PLCG1: variants seen among roughly 807,000 people sequenced by gnomAD.
PLCG1 encodes the protein phospholipase C gamma 1.
In PLCG1, 71 loss-of-function variants were observed where a neutral mutation model predicts 177.8. The ratio of observed to expected loss-of-function variants is 0.40; its 90% CI spans 0.33 to 0.49. The LOEUF is 0.49. PLCG1 is among the 20% of genes least tolerant of loss of function. The pLI, the probability that PLCG1 is intolerant of heterozygous loss-of-function variation, is 0.72. For missense variants in PLCG1, 1,281 were observed against 1,709.0 expected (o/e 0.75, Z 4.42); for synonymous variants, 658 against 647.9 (o/e 1.02, Z -0.24).
intron 1 of PLCG1, among the ~76,000 whole-genome samples, chr20:41,143,505 T>G (rs1312891018): frequency 6.6e-6 from 1 of 152,144 alleles, no homozygotes; most frequent in African/African-American, 2.4e-5. Flanking sequence ...TGGTGCCCCT[T>G]GTAGAGTGCC....
At position 41,150,737 on chromosome 20, in the gene PLCG1, G is replaced by T. The variant is rs1600641973; in HGVS notation, c.218-8869G>T. 1.3e-5 allele frequency among the ~76,000 whole-genome samples: 2 copies of T among 152,156 alleles called. No individual in the cohort carries two copies. The highest frequency in any genetic ancestry group is 1.3e-4 in the Admixed American group (2 of 15,284). On this transcript the variant is annotated intron_variant, in intron 1 of 31. Coordinates refer to ENST00000685551, the MANE Select transcript of PLCG1 (RefSeq NM_002660.3). This position sits in a 1 kb window ranked among gnomAD's most constrained non-coding sequence, Gnocchi z 4.0. ...TAGTGGACTCCTGCACCTCTGTCTTGGTTTCCATGAACCCCTCTGCCCAAT... is the reference window on the plus strand; with the variant it reads ...TAGTGGACTCCTGCACCTCTGTCTTTGTTTCCATGAACCCCTCTGCCCAAT...
chr20:41,141,521 T>TAGGCCCACAGCACGGGAGAGGGCA (rs950052300), intron 1 of PLCG1, among the ~76,000 whole-genome samples: 1 of 152,346 alleles, frequency 6.6e-6, no homozygotes, highest in South Asian at 2.1e-4. Flanking sequence ...CTCCGAGGGC[T>TAGGCCCACAGCACGGGAGAGGGCA]AGGCCCACAG....
chr20:41,173,613 C>A lies in PLCG1; in HGVS notation c.3395-39C>A. 6.2e-7 allele frequency: 1 copy of A among 1,614,114 alleles called. No individual in the cohort carries two copies. Among genetic ancestry groups the A allele is most frequent in the Non-Finnish European group, 8.5e-7 (1 of 1,180,006 alleles). The stretch of plus-strand genomic sequence containing the variant: ...CTCCCCACCAGTCATCCCATCCTCT[C>A]CCACGGTGACCTGAAGCCTTTTGTC... On this transcript the variant is annotated intron_variant, in intron 28 of 31. Transcript: ENST00000685551. The surrounding 1 kb of genome is among the most constrained non-coding windows in gnomAD (Gnocchi z 6.2).
Position 41,169,490 on chromosome 20 carries a change from C to T in PLCG1, c.2614C>T (p.Leu872=). Residue 872 remains leucine (L), a synonymous_variant, in exon 23 of 32, where the codon CTG becomes TTG. Coordinates refer to ENST00000685551, the MANE Select transcript of PLCG1 (RefSeq NM_002660.3). ...LDENSPLGDL[L]RGVLDVPACQ... ...CGAGAACAGCCCCCTAGGGGACTTG[C>T]TGCGGGGGGTCTTGGATGTGCCGGC... is the stretch of plus-strand genomic sequence containing the variant. The T allele has an allele frequency of 6.2e-7, 1 of 1,613,738 alleles. No individual in the cohort carries two copies. The highest frequency in any genetic ancestry group is 1.7e-4 in the Middle Eastern group (1 of 6,056).
chr20:41,174,159 G>A lies in PLCG1; in HGVS notation c.3681G>A (p.Thr1227=), dbSNP rs140172118. The change falls in exon 31 of 32, where the codon ACG becomes ACA. Residue 1227 remains threonine (T), a synonymous_variant. Coordinates refer to ENST00000685551, the MANE Select transcript of PLCG1 (RefSeq NM_002660.3). This position sits in a 1 kb window ranked among gnomAD's most constrained non-coding sequence, Gnocchi z 5.8. Reference sequence around the variant, plus strand: ...GTGACCTCAGTCCCTTCAGTGGTACGTCCCTGCGGGAGCGGGGCTCAGATG... The same window carrying A: ...GTGACCTCAGTCCCTTCAGTGGTACATCCCTGCGGGAGCGGGGCTCAGATG... ...ENGDLSPFSG[T]SLRERGSDAS... 5.0e-5 allele frequency: 80 copies of A among 1,614,012 alleles called. No individual in the cohort carries two copies. In the African/African-American group the frequency reaches 8.1e-4, roughly 16 times the overall value.
At position 41,172,391 on chromosome 20, in the gene PLCG1, C is replaced by T; in HGVS notation, c.2906-30C>T. Reference sequence around the variant, plus strand: ...CCCCAACACTTCCTGGGTGGGCGGGCTCTGTAAGTGTTTTCCCTGTTTGGC... The same window carrying T: ...CCCCAACACTTCCTGGGTGGGCGGGTTCTGTAAGTGTTTTCCCTGTTTGGC... On this transcript the variant is annotated intron_variant, in intron 25 of 31. Coordinates refer to ENST00000685551, the MANE Select transcript of PLCG1 (RefSeq NM_002660.3). This position sits in a 1 kb window ranked among gnomAD's most constrained non-coding sequence, Gnocchi z 7.0. 6.2e-7 allele frequency: 1 copy of T among 1,602,574 alleles called. No homozygotes were observed. Among genetic ancestry groups the T allele is most frequent in the South Asian group, 1.1e-5 (1 of 90,842 alleles).
intron 1 of PLCG1, among the ~76,000 whole-genome samples, chr20:41,140,571 G>A (rs1436927042): frequency 6.6e-6 from 1 of 152,208 alleles, no homozygotes; most frequent in African/African-American, 2.4e-5. Context: ...ATACTGATAT[G>A]TAAGACCTTC....
chr20:41,143,543 G>A (rs185059714), intron 1 of PLCG1, among the ~76,000 whole-genome samples: 18 of 152,324 alleles, frequency 1.2e-4, no homozygotes, highest in East Asian at 3.9e-4. Flanking sequence ...GGAACAGTGC[G>A]TCCTTGGAGG....
At chr20:41,168,985 C>T in intron 21 of PLCG1, 94 bp from the exon 22 acceptor site, 1 of 1,204,110 alleles carries the variant, frequency 8.3e-7, no homozygotes, top group Non-Finnish European at 1.2e-6. Flanking sequence ...GCCTGCCTCA[C>T]CCTGGCTTAG....
At chr20:41,141,984 T>C (rs752017603) in intron 1 of PLCG1, among the ~76,000 whole-genome samples, 1 of 152,232 alleles carries the variant, frequency 6.6e-6, no homozygotes, top group Non-Finnish European at 1.5e-5. Context: ...TTTATTAATA[T>C]TTGCAATAAG....
At position 41,164,553 on chromosome 20, in the gene PLCG1, C is replaced by T. The variant is rs2035618702; in HGVS notation, c.1217+352C>T. Among the ~76,000 whole-genome samples the T allele has an allele frequency of 6.6e-6, 1 of 152,056 alleles. No homozygotes were observed. The highest frequency in any genetic ancestry group is 6.5e-5 in the Admixed American group (1 of 15,274). On this transcript the variant is annotated intron_variant, in intron 12 of 31. Transcript: ENST00000685551. The surrounding 1 kb of genome is among the most constrained non-coding windows in gnomAD (Gnocchi z 6.4). ...GAAGATTGTCTCTGTTCCCTGTGTC[C>T]CATTCCTTCAATTCTGTTTACTGCT... is the stretch of plus-strand genomic sequence containing the variant.
chr20:41,174,277 C>T lies in PLCG1; in HGVS notation c.3799C>T (p.His1267Tyr). The T allele has an allele frequency of 6.2e-7, 1 of 1,614,214 alleles. No individual in the cohort carries two copies. Among genetic ancestry groups the T allele is most frequent in the East Asian group, 2.2e-5 (1 of 44,886 alleles). The part of the protein sequence containing the change: ...PFEDFRISQE[H>Y]LADHFDSRER... Reference sequence around the variant, plus strand: ...TGAGGACTTCCGCATCTCCCAGGAGCATCTCGCAGACCATTTTGACAGTCG... The same window carrying T: ...TGAGGACTTCCGCATCTCCCAGGAGTATCTCGCAGACCATTTTGACAGTCG... Residue 1267 changes from histidine (H) to tyrosine (Y), a missense_variant, in exon 31 of 32, where the codon CAT becomes TAT. His to Tyr is a moderately conservative substitution (Grantham distance 83). Transcript: ENST00000685551. The surrounding 1 kb of genome is among the most constrained non-coding windows in gnomAD (Gnocchi z 5.8).
intron 1 of PLCG1, among the ~76,000 whole-genome samples, chr20:41,145,947 C>T (rs1393258735): frequency 6.6e-6 from 1 of 152,198 alleles, no homozygotes; most frequent in East Asian, 1.9e-4. Flanking sequence ...TGTGCCCAGG[C>T]TTAAGTCCTA....
chr20:41,162,498 C>T lies in PLCG1; in HGVS notation c.559C>T (p.Arg187Trp), dbSNP rs1359029150. 5 of 1,613,880 alleles carry T rather than the reference C, an allele frequency of 3.1e-6. No homozygotes were observed. Among genetic ancestry groups the T allele is most frequent in the Non-Finnish European group, 3.4e-6 (4 of 1,179,930 alleles). ...GAACATGCTGTCCCAGGTCAACTAC[C>T]GGGTCCCCAACATGCGCTTCCTCCG... Reference protein sequence around the residue: ...LKNMLSQVNYRVPNMRFLRER... With the variant: ...LKNMLSQVNYWVPNMRFLRER... The change falls in exon 5 of 32, where the codon CGG (arginine) becomes TGG (tryptophan). Residue 187 changes from arginine to tryptophan, a missense_variant. Transcript: ENST00000685551.
chr20:41,145,888 T>C (rs2034981520), intron 1 of PLCG1, among the ~76,000 whole-genome samples: 1 of 152,302 alleles, frequency 6.6e-6, no homozygotes, highest in South Asian at 2.1e-4. Context: ...GCAAGACTAG[T>C]TCCTTTTGAG....
chr20:41,173,918 C>G lies in PLCG1; in HGVS notation c.3557-5C>G. ...GGCTGAGGGCCAGGCTTTTCCTCCT[C>G]CTAGGATACAGAGCAGTGCCTTTGA... On this transcript the variant is annotated splice_polypyrimidine_tract_variant and splice_region_variant and intron_variant, in intron 29 of 31. Coordinates refer to ENST00000685551, the MANE Select transcript of PLCG1 (RefSeq NM_002660.3). The surrounding 1 kb of genome is among the most constrained non-coding windows in gnomAD (Gnocchi z 6.2). 6.2e-7 allele frequency: 1 copy of G among 1,613,738 alleles called. No individual in the cohort carries two copies. Among genetic ancestry groups the G allele is most frequent in the Non-Finnish European group, 8.5e-7 (1 of 1,179,646 alleles).
chr20:41,170,192 G>A lies in PLCG1; in HGVS notation c.2731G>A (p.Val911Ile), dbSNP rs768502816. Residue 911 changes from valine (V) to isoleucine (I), a missense_variant, in exon 24 of 32, where the codon GTT becomes ATT. Physicochemically the swap from Val to Ile is conservative, Grantham distance 29. This residue lies in a region of PLCG1 where 723 missense variants were observed against 1,030.0 expected (regional missense o/e 0.70). Coordinates refer to ENST00000685551, the MANE Select transcript of PLCG1 (RefSeq NM_002660.3). ...MASVAHWSLD[V>I]AADSQEELQD... ...GTCGGTGGCCCACTGGTCCCTGGAT[G>A]TTGCTGCCGACTCACAGGAGGAGCT... The A allele has an allele frequency of 6.2e-7, 1 of 1,614,112 alleles. No individual in the cohort carries two copies. Among genetic ancestry groups the A allele is most frequent in the South Asian group, 1.1e-5 (1 of 91,078 alleles).
In PLCG1 at chr20:41,173,860, G is replaced by A; in HGVS notation, c.3556+47G>A. 1.2e-6 allele frequency: 2 copies of A among 1,610,928 alleles called. No individual in the cohort carries two copies. The highest frequency in any genetic ancestry group is 8.5e-7 in the Non-Finnish European group (1 of 1,177,498). On this transcript the variant is annotated intron_variant, in intron 29 of 31. Transcript: ENST00000685551. This position sits in a 1 kb window ranked among gnomAD's most constrained non-coding sequence, Gnocchi z 6.2. The stretch of plus-strand genomic sequence containing the variant: ...AGTGCCCCTGCAATCTTGCTGGCAG[G>A]GTGGGGCTGGGCCCCTTGCTCTGTC...
intron 1 of PLCG1, among the ~76,000 whole-genome samples, chr20:41,152,678 C>T (rs2035201270): frequency 6.6e-6 from 1 of 152,242 alleles, no homozygotes; most frequent in Non-Finnish European, 1.5e-5. Flanking sequence ...TTTGAGGCCT[C>T]CCCAGGCCCT....
Sources: allele counts gnomAD v4.1 joint callset (sites outside exome capture counted in the v4.1 genomes callset), GRCh38; gene constraint gnomAD v4.1.1; regional missense constraint gnomAD v4.1.1; non-coding constraint Gnocchi (gnomAD v3.1); transcripts MANE v1.5; gene names NCBI Gene and HGNC (gene_info 2026-07-23, HGNC 2026-07-21).